AFF4: variants seen among roughly 807,000 people sequenced by gnomAD.
AFF4 encodes the protein AF4/FMR2 family member 4.
Under a neutral mutation model 124.8 loss-of-function variants are expected in AFF4, and 13 were observed. That is an observed-to-expected ratio of 0.10 (90% CI 0.07 to 0.17). The LOEUF (loss-of-function observed/expected upper bound fraction) is 0.17, where lower values mean the gene tolerates loss of function less well. Ranked by LOEUF, AFF4 falls within the 10% of genes least tolerant of loss-of-function variation. The probability of loss-of-function intolerance (pLI) is 1.00; values close to 1 mark genes in which losing one functional copy is unlikely to be tolerated. For missense variants in AFF4, 1,092 were observed against 1,403.8 expected, an observed-to-expected ratio of 0.78 and a Z score of 3.55; for synonymous variants, 477 against 496.1, an observed-to-expected ratio of 0.96 and a Z score of 0.51.
At chr5:132,927,070 A>C in intron 5 of AFF4, 51 bp downstream of exon 5, 1 of 1,501,398 alleles carries the variant, frequency 6.7e-7, no homozygotes, top group Non-Finnish European at 9.2e-7. Context: ...GATTTTAGTC[A>C]AGCCATTTAG....
rs202185420 is a variant in AFF4, at chr5:132,899,087, A to G, written c.1226+17T>C. ...CCCAACTCTTACCAATAAAACAGAA[A>G]AGAAAAGGATGCCCACCTTCCTGGT... On this transcript the variant is annotated intron_variant, in intron 9 of 20. Transcript: ENST00000265343. The G allele has an allele frequency of 6.2e-6, 10 of 1,611,226 alleles. No homozygotes were observed. The highest frequency in any genetic ancestry group is 8.5e-6 in the Non-Finnish European group (10 of 1,177,812).
At position 132,876,357 on chromosome 5, in the gene AFF4, T is replaced by C. The variant is rs1449962368; in HGVS notation, c.*4702A>G. 3.1e-5 allele frequency: 7 copies of C among 228,674 alleles called. No homozygotes were observed. Among genetic ancestry groups the C allele is most frequent in the Non-Finnish European group, 3.5e-5 (4 of 115,022 alleles). 14.2% of individuals were successfully genotyped at this position (228,674 alleles called of 1,614,324 possible). A position where few individuals can be genotyped will look rare whatever the true frequency, so the allele number is the denominator to read the frequency against. On this transcript the variant is annotated 3_prime_UTR_variant, in exon 21 of 21. Transcript: ENST00000265343. ...TGATTTGAAAGGCAGCATTTCCAAA[T>C]TGATATTTTCCAGAGAGGAACATAG...
intron 5 of AFF4, among the ~76,000 whole-genome samples, chr5:132,913,394 A>G (rs1390994331): frequency 6.6e-6 from 1 of 152,246 alleles, no homozygotes; most frequent in Non-Finnish European, 1.5e-5. Flanking sequence ...GAAGATTAGT[A>G]TAACACTATA....
chr5:132,919,516 G>A (rs1010563606), intron 5 of AFF4, among the ~76,000 whole-genome samples: 2 of 152,118 alleles, frequency 1.3e-5, no homozygotes, highest in Non-Finnish European at 2.9e-5. Context: ...ATTAGCTTAA[G>A]ATAAATCATA....
chr5:132,911,135 T>G (rs1430742787), intron 5 of AFF4, among the ~76,000 whole-genome samples: 2 of 152,162 alleles, frequency 1.3e-5, no homozygotes, highest in African/African-American at 4.8e-5. Context: ...TTTTTCCCTT[T>G]CTACTAAGCC....
intron 1 of AFF4, among the ~76,000 whole-genome samples, chr5:132,946,887 T>C (rs570209507): frequency 6.6e-6 from 1 of 152,274 alleles, no homozygotes; most frequent in East Asian, 1.9e-4. Flanking sequence ...TATAAACACA[T>C]ACATTAGTTA....
At chr5:132,909,197 G>A (rs1760738246) in intron 5 of AFF4, among the ~76,000 whole-genome samples, 1 of 147,758 alleles carries the variant, frequency 6.8e-6, no homozygotes, top group African/African-American at 2.5e-5. Context: ...TCAGGCTGGA[G>A]TGCAATGGCA....
At chr5:132,924,981 C>T (rs906275650) in intron 5 of AFF4, among the ~76,000 whole-genome samples, 2 of 151,978 alleles carry the variant, frequency 1.3e-5, no homozygotes, top group Admixed American at 6.6e-5. Flanking sequence ...TTCAGACCAG[C>T]CTGGCCAACA....
chr5:132,932,955 G>A (rs1007635462), intron 3 of AFF4, among the ~76,000 whole-genome samples: 5 of 152,168 alleles, frequency 3.3e-5, no homozygotes, highest in Non-Finnish European at 7.4e-5. Context: ...AGTTTCCCAA[G>A]GCCACTGGAA....
intron 1 of AFF4, among the ~76,000 whole-genome samples, chr5:132,946,743 T>C (rs141141968): frequency 3.3e-5 from 5 of 152,226 alleles, no homozygotes; most frequent in African/African-American, 1.2e-4. Flanking sequence ...ATGTACTTAA[T>C]GCCACTGAAT....
At chr5:132,958,695 C>A (rs1457899327) in intron 1 of AFF4, among the ~76,000 whole-genome samples, 2 of 152,096 alleles carry the variant, frequency 1.3e-5, no homozygotes, top group Admixed American at 6.6e-5. Flanking sequence ...GAAGGTGTGT[C>A]TCTACAGAGT....
Position 132,934,454 on chromosome 5 carries a change from C to G in AFF4, c.611G>C (p.Ser204Thr). ...HSRSHGNDHH[S>T]KEHQRSKSPR... is the part of the protein sequence containing the mutation. ...TGATTTGGAGCGTTGATGTTCCTTG[C>G]TATGGTGATCATTCCCATGAGACCT... The change falls in exon 3 of 21, where the codon AGC (serine) becomes ACC (threonine). Residue 204 changes from serine (S) to threonine (T), a missense_variant. Coordinates refer to ENST00000265343, the MANE Select transcript of AFF4 (RefSeq NM_014423.4). 6.2e-7 allele frequency: 1 copy of G among 1,614,088 alleles called. No homozygotes were observed. The highest frequency in any genetic ancestry group is 8.5e-7 in the Non-Finnish European group (1 of 1,180,008).
At chr5:132,945,934 C>A (rs1037353587) in intron 1 of AFF4, among the ~76,000 whole-genome samples, 2 of 152,028 alleles carry the variant, frequency 1.3e-5, no homozygotes, top group Admixed American at 1.3e-4. Flanking sequence ...GTGGCGCAAG[C>A]CTGTAATCCC....
intron 1 of AFF4, among the ~76,000 whole-genome samples, chr5:132,942,216 C>A (rs1761587144): frequency 6.6e-6 from 1 of 152,102 alleles, no homozygotes; most frequent in Non-Finnish European, 1.5e-5. Flanking sequence ...GTTCTGCAAC[C>A]CCTTCCTTCA....
rs963024818 is a variant in AFF4 at position 132,894,183 on chromosome 5, T to C, written c.2308-1065A>G. 7.9e-5 allele frequency among the ~76,000 whole-genome samples: 12 copies of C among 152,342 alleles called. 1 individual carries two copies. In the Middle Eastern group the frequency reaches 0.01, roughly 130 times the overall value. On this transcript the variant is annotated intron_variant, in intron 11 of 20. Coordinates refer to ENST00000265343, the MANE Select transcript of AFF4 (RefSeq NM_014423.4). ...TGGACATGTTTTCATTTCTCTTGGATATATAACTAGCAGTACAACTGCAGA... is the reference window on the plus strand; with the variant it reads ...TGGACATGTTTTCATTTCTCTTGGACATATAACTAGCAGTACAACTGCAGA...
At position 132,892,385 on chromosome 5, in the gene AFF4, C is replaced by T. The variant is rs908239478; in HGVS notation, c.2416G>A (p.Ala806Thr). 2 of 1,613,286 alleles carry T rather than the reference C, an allele frequency of 1.2e-6. No homozygotes were observed. Among genetic ancestry groups the T allele is most frequent in the Non-Finnish European group, 1.7e-6 (2 of 1,179,398 alleles). ...GAAGGCAACAAATCCTTTTCTTTTG[C>T]AGCACTCTGCTTAGATGACCTGCCA... ...SNRESSKQSA[A>T]KEKDLLPSPA... The change falls in exon 13 of 21, where the codon GCA (alanine) becomes ACA (threonine). Residue 806 changes from alanine to threonine, a missense_variant. Ala to Thr is a moderately conservative substitution (Grantham distance 58, BLOSUM62 0). Transcript: ENST00000265343.
chr5:132,946,982 G>A (rs566044748), intron 1 of AFF4, among the ~76,000 whole-genome samples: 8 of 151,762 alleles, frequency 5.3e-5, no homozygotes, highest in East Asian at 1.9e-4. Context: ...GCTTGAACCC[G>A]GGAAGCAGAG....
At chr5:132,923,740 T>C (rs893333395) in intron 5 of AFF4, among the ~76,000 whole-genome samples, 9 of 151,990 alleles carry the variant, frequency 5.9e-5, no homozygotes. Flanking sequence ...CTCTAAAAAA[T>C]TAAAATAAAA....
chr5:132,951,345 A>T (rs1037818509), intron 1 of AFF4, among the ~76,000 whole-genome samples: 5 of 152,136 alleles, frequency 3.3e-5, no homozygotes, highest in African/African-American at 7.2e-5. Flanking sequence ...ACCCTAAAAG[A>T]TAAGGACCAA....
Sources: allele counts gnomAD v4.1 joint callset (sites outside exome capture counted in the v4.1 genomes callset), GRCh38; gene constraint gnomAD v4.1.1; transcripts MANE v1.5; gene names NCBI Gene and HGNC (gene_info 2026-07-23, HGNC 2026-07-21).